Variants in ZNF277 observed in about 807,000 individuals in gnomAD.
ZNF277 encodes the protein zinc finger protein 277.
ZNF277 carries 55 observed loss-of-function variants against 60.7 expected under a neutral mutation model. The observed-to-expected ratio is 0.91, with a 90% CI of 0.73 to 1.13. ZNF277 has a LOEUF of 1.13. ZNF277 is among the 50% of genes most tolerant of loss of function. The pLI is 0.00. For missense variants in ZNF277, 510 were observed against 523.0 expected, an observed-to-expected ratio of 0.98 and a Z score of 0.24; for synonymous variants, 178 against 179.3, an observed-to-expected ratio of 0.99 and a Z score of 0.06.
rs531290914 is a variant in ZNF277, at chr7:112,343,507, A to G, written c.*778A>G. Among the ~76,000 whole-genome samples, 1 of 152,296 alleles carries G rather than the reference A, an allele frequency of 6.6e-6. No individual in the cohort carries two copies. The highest frequency in any genetic ancestry group is 2.4e-5 in the African/African-American group (1 of 41,552). On this transcript the variant is annotated 3_prime_UTR_variant, in exon 12 of 12. Coordinates refer to ENST00000361822, the MANE Select transcript of ZNF277 (RefSeq NM_021994.3). ...TTGTCTCAAAATGTATGTTTACAAT[A>G]TTATCAGTTTCATTACTGATGAATA... is the stretch of plus-strand genomic sequence containing the variant.
At chr7:112,308,940 C>A (rs1349396632) in intron 4 of ZNF277, among the ~76,000 whole-genome samples, 1 of 152,022 alleles carries the variant, frequency 6.6e-6, no homozygotes, top group Non-Finnish European at 1.5e-5. Context: ...GGGATATGAT[C>A]TGGTAAAAAA....
Position 112,304,763 on chromosome 7 carries a change from T to C in ZNF277, c.465+8452T>C, listed in dbSNP as rs546066649. 2.0e-5 allele frequency among the ~76,000 whole-genome samples: 3 copies of C among 152,274 alleles called. No homozygotes were observed. The East Asian group carries it at 5.8e-4, about 29-fold the overall frequency. Reference sequence around the variant, plus strand: ...TGGCAGACAGAACAAGAGGAGTTGGTGTTATGTCTTTAGCCAGCCTCACTT... The same window carrying C: ...TGGCAGACAGAACAAGAGGAGTTGGCGTTATGTCTTTAGCCAGCCTCACTT... On this transcript the variant is annotated intron_variant, in intron 4 of 11. Coordinates refer to ENST00000361822, the MANE Select transcript of ZNF277 (RefSeq NM_021994.3).
chr7:112,210,350 G>A (rs1821705252), intron 1 of ZNF277, among the ~76,000 whole-genome samples: 1 of 152,060 alleles, frequency 6.6e-6, no homozygotes, highest in South Asian at 2.1e-4. Context: ...GGTGCAGGCA[G>A]GTGCAACACT....
intron 1 of ZNF277, among the ~76,000 whole-genome samples, chr7:112,235,916 G>T (rs1790771199): frequency 6.6e-6 from 1 of 151,864 alleles, no homozygotes; most frequent in African/African-American, 2.4e-5. Context: ...GCTCTTACAT[G>T]TAGGTTTGTG....
At chr7:112,262,012 G>T (rs969240241) in intron 1 of ZNF277, among the ~76,000 whole-genome samples, 2 of 152,008 alleles carry the variant, frequency 1.3e-5, no homozygotes, top group Non-Finnish European at 2.9e-5. Context: ...CTTCTGTTCA[G>T]TGTCTTGTAG....
Position 112,339,780 on chromosome 7 carries a change from A to G in ZNF277, c.967-63A>G. 5 of 1,514,894 alleles carry G rather than the reference A, an allele frequency of 3.3e-6. No individual in the cohort carries two copies. The South Asian group carries it at 5.7e-5, about 17-fold the overall frequency. The allele number at this position is 1,514,894 out of a possible 1,614,324, so 93.8% of individuals were successfully genotyped here. On this transcript the variant is annotated intron_variant, in intron 9 of 11. Transcript: ENST00000361822. ...TCAAACTCCTGTGAATAAGTTGTTT[A>G]TAACTTCAGCCTGAAAGATTAAATA...
chr7:112,334,941 T>C, intron 7 of ZNF277, among the ~76,000 whole-genome samples: 1 of 152,154 alleles, frequency 6.6e-6, no homozygotes, highest in Non-Finnish European at 1.5e-5. Flanking sequence ...GGGAAGTACA[T>C]TATAGAGTCC....
intron 1 of ZNF277, among the ~76,000 whole-genome samples, chr7:112,268,192 T>C (rs968410495): frequency 3.3e-5 from 5 of 152,008 alleles, no homozygotes; most frequent in African/African-American, 1.2e-4. Flanking sequence ...GAGTTGACCT[T>C]CAGGAAAGAA....
intron 4 of ZNF277, 103 bp from the exon 5 acceptor site, chr7:112,318,078 TC>T (rs1792881763): frequency 4.8e-6 from 4 of 839,914 alleles, no homozygotes; most frequent in Non-Finnish European, 5.7e-6. Flanking sequence ...TTTTATATAC[TC>T]CCTTTATGCT....
intron 7 of ZNF277, among the ~76,000 whole-genome samples, chr7:112,333,809 T>C (rs1376060199): frequency 6.6e-6 from 1 of 152,214 alleles, no homozygotes; most frequent in African/African-American, 2.4e-5. Flanking sequence ...AATTCTTGCT[T>C]TGTTTTCTCA....
intron 4 of ZNF277, among the ~76,000 whole-genome samples, chr7:112,314,901 G>T (rs145497023): frequency 6.6e-6 from 1 of 152,196 alleles, no homozygotes; most frequent in African/African-American, 2.4e-5. Flanking sequence ...ATCCATTAAG[G>T]TGTTACTTAA....
intron 1 of ZNF277, among the ~76,000 whole-genome samples, chr7:112,215,954 A>G (rs1268013331): frequency 1.3e-5 from 2 of 152,230 alleles, no homozygotes; most frequent in African/African-American, 4.8e-5. Flanking sequence ...CGCTAATCGT[A>G]ATTACCATTA....
intron 1 of ZNF277, among the ~76,000 whole-genome samples, chr7:112,252,930 T>C (rs1305130708): frequency 6.6e-6 from 1 of 152,302 alleles, no homozygotes. Context: ...CTACTGAGGA[T>C]AGAACGATGA....
chr7:112,339,860 T>C lies in ZNF277; in HGVS notation c.984T>C (p.Asp328=). 1 of 1,611,864 alleles carries C rather than the reference T, an allele frequency of 6.2e-7. No individual in the cohort carries two copies. Among genetic ancestry groups the C allele is most frequent in the African/African-American group, 1.3e-5 (1 of 75,062 alleles). Residue 328 remains aspartate, a synonymous_variant, in exon 10 of 12, where the codon GAT becomes GAC. Transcript: ENST00000361822. The part of the protein sequence containing the change: ...YVHMEDAHEF[D]LLKIKSELGL... ...TTTTTTAGGATGCACACGAATTTGA[T>C]CTTCTCAAAATAAAGTCAGAACTTG...
chr7:112,274,365 C>G (rs1282570440), intron 1 of ZNF277, among the ~76,000 whole-genome samples: 2 of 152,032 alleles, frequency 1.3e-5, no homozygotes, highest in Non-Finnish European at 2.9e-5. Context: ...CCATGTTACC[C>G]AAGCCAGTTT....
chr7:112,320,248 G>GT (rs1367988327), intron 5 of ZNF277, among the ~76,000 whole-genome samples: 1 of 152,024 alleles, frequency 6.6e-6, no homozygotes, highest in Non-Finnish European at 1.5e-5. Flanking sequence ...TCTGTATTGA[G>GT]TAGGGTCACA....
chr7:112,214,489 A>C (rs1373012918), intron 1 of ZNF277, among the ~76,000 whole-genome samples: 2 of 152,182 alleles, frequency 1.3e-5, no homozygotes, highest in Non-Finnish European at 2.9e-5. Flanking sequence ...CTTGACCCAA[A>C]GGTGAGCAGG....
Position 112,273,548 on chromosome 7 carries a change from T to C in ZNF277, c.92-13325T>C, listed in dbSNP as rs575121021. On this transcript the variant is annotated intron_variant, in intron 1 of 11. Coordinates refer to ENST00000361822, the MANE Select transcript of ZNF277 (RefSeq NM_021994.3). ...CTGCTCACCTGATTTTTGGTTCTTA[T>C]GAAGGTGCATTCTTTTGTGTGTGGA... 2.0e-5 allele frequency among the ~76,000 whole-genome samples: 3 copies of C among 152,350 alleles called. No homozygotes were observed. The South Asian group carries it at 6.2e-4, about 32-fold the overall frequency.
intron 2 of ZNF277, among the ~76,000 whole-genome samples, chr7:112,289,992 A>C (rs909278070): frequency 2.9e-4 from 44 of 151,894 alleles, no homozygotes; most frequent in African/African-American, 9.9e-4. Context: ...GCTGCACCTA[A>C]TTTTTTATGT....
Sources: gnomAD v4.1 joint callset for allele counts (sites outside exome capture counted in the v4.1 genomes callset) on GRCh38, gnomAD v4.1.1 for gene constraint, MANE v1.5 for transcripts, NCBI Gene and HGNC (gene_info 2026-07-23, HGNC 2026-07-21) for gene names.